Variants in GFPT1 observed in about 807,000 individuals in gnomAD.
The protein encoded by GFPT1 is glutamine--fructose-6-phosphate aminotransferase [isomerizing] 1.
In GFPT1, 40 loss-of-function variants were observed where a neutral mutation model predicts 92.0. The ratio of observed to expected loss-of-function variants is 0.43; its 90% confidence interval spans 0.34 to 0.57. The LOEUF (loss-of-function observed/expected upper bound fraction) is 0.57, where lower values mean the gene tolerates loss of function less well. Among genes scored for constraint, GFPT1 ranks in the 20% least tolerant of loss-of-function variants. The pLI is 0.02. For missense variants in GFPT1, 448 were observed against 869.1 expected (o/e 0.52, Z 6.09); for synonymous variants, 269 against 280.6 (o/e 0.96, Z 0.41).
intron 15 of GFPT1, among the ~76,000 whole-genome samples, chr2:69,335,477 C>T (rs1234394778): frequency 1.3e-5 from 2 of 152,128 alleles, no homozygotes; most frequent in Non-Finnish European, 2.9e-5. Flanking sequence ...CAATGGCATC[C>T]ATCCAAACAA....
At position 69,320,524 on chromosome 2, in the gene GFPT1, A is replaced by C. The variant is rs1670380008; in HGVS notation, c.*5665T>G. ...ATGTCTGGGCAGGACACGGTGACTCATGCCTGTAATCCCAGCACTTTGGGA... is the reference window on the plus strand; with the variant it reads ...ATGTCTGGGCAGGACACGGTGACTCCTGCCTGTAATCCCAGCACTTTGGGA... On this transcript the variant is annotated 3_prime_UTR_variant, in exon 20 of 20. Transcript: ENST00000357308. The C allele has an allele frequency of 6.6e-6, 1 of 152,382 alleles. No homozygotes were observed. The highest frequency in any genetic ancestry group is 1.5e-5 in the Non-Finnish European group (1 of 68,156). The allele number at this position is 152,382 out of a possible 1,614,324, so 9.4% of individuals were successfully genotyped here.
Position 69,322,960 on chromosome 2 carries a change from T to C in GFPT1, c.*3229A>G, listed in dbSNP as rs114565878. The C allele has an allele frequency of 1.7e-4, 26 of 152,348 alleles. No homozygotes were observed. The highest frequency in any genetic ancestry group is 5.8e-4 in the African/African-American group (24 of 41,582). The allele number at this position is 152,348 out of a possible 1,614,324, so 9.4% of individuals were successfully genotyped here. On this transcript the variant is annotated 3_prime_UTR_variant, in exon 20 of 20. Transcript: ENST00000357308. The stretch of plus-strand genomic sequence containing the variant: ...CAATGAACCTAGTCTTTGCTAGTGA[T>C]GAGTCCATCTGGGGACAAATACTGC...
chr2:69,335,646 T>C (rs1670776228), intron 15 of GFPT1, among the ~76,000 whole-genome samples: 1 of 152,206 alleles, frequency 6.6e-6, no homozygotes, highest in South Asian at 2.1e-4. Flanking sequence ...CACAAACATG[T>C]AACACGTTTT....
intron 2 of GFPT1, 42 bp downstream of exon 2, chr2:69,373,964 T>C: frequency 3.2e-6 from 3 of 928,324 alleles, no homozygotes; most frequent in Non-Finnish European, 5.4e-6. Context: ...TAGTATCTAT[T>C]TAAAGAATCA....
chr2:69,366,345 T>C (rs188000170), intron 3 of GFPT1, among the ~76,000 whole-genome samples: 9 of 152,326 alleles, frequency 5.9e-5, no homozygotes, highest in African/African-American at 1.9e-4. Context: ...TTTCCTGTCA[T>C]ATAAATTAAT....
At chr2:69,344,647 CTCT>C (rs1422850971) in intron 12 of GFPT1, among the ~76,000 whole-genome samples, 1 of 150,082 alleles carries the variant, frequency 6.7e-6, no homozygotes, top group African/African-American at 2.4e-5. Flanking sequence ...GATATAAGTA[CTCT>C]TTTTTATTTT....
At chr2:69,349,616 T>TA (rs1203046776) in intron 10 of GFPT1, among the ~76,000 whole-genome samples, 7 of 152,242 alleles carry the variant, frequency 4.6e-5, no homozygotes, top group Non-Finnish European at 1.0e-4. Context: ...CAAAATATCT[T>TA]AGTCTACTAC....
Position 69,325,121 on chromosome 2 carries a change from G to GATGA in GFPT1, c.*1064_*1067dup, listed in dbSNP as rs1670498262. ...CTACCACATATACTTAGAGTGAAAT[G>GATGA]ATGAGGTCAGCGACCTGCAAATCTT... On this transcript the variant is annotated 3_prime_UTR_variant, in exon 20 of 20. Coordinates refer to ENST00000357308, the MANE Select transcript of GFPT1 (RefSeq NM_001244710.2). 1 of 152,160 alleles carries GATGA rather than the reference G, an allele frequency of 6.6e-6. No individual in the cohort carries two copies. Among genetic ancestry groups the GATGA allele is most frequent in the Non-Finnish European group, 1.5e-5 (1 of 68,010 alleles). The allele number at this position is 152,160 out of a possible 1,614,324, so 9.4% of individuals were successfully genotyped here.
Position 69,342,347 on chromosome 2 carries a change from ACTG to A in GFPT1, c.1106-101_1106-99del, listed in dbSNP as rs1413880118. On this transcript the variant is annotated intron_variant, in intron 12 of 19. Coordinates refer to ENST00000357308, the MANE Select transcript of GFPT1 (RefSeq NM_001244710.2). ...ATCCACTGCCAATATGAGGAAGAAT[ACTG>A]CTGTTTTAAAGAATTAATATTCCTC... is the stretch of plus-strand genomic sequence containing the variant. The A allele has an allele frequency of 3.9e-6, 3 of 776,566 alleles. No homozygotes were observed. In the African/African-American group the frequency reaches 5.1e-5, roughly 13 times the overall value. The allele number at this position is 776,566 out of a possible 1,614,324, so 48.1% of individuals were successfully genotyped here.
chr2:69,376,279 C>CA (rs1671867942), intron 1 of GFPT1, among the ~76,000 whole-genome samples: 1 of 152,182 alleles, frequency 6.6e-6, no homozygotes, highest in Admixed American at 6.5e-5. Flanking sequence ...GAAGCTAAGG[C>CA]AGGCGCATCA....
intron 15 of GFPT1, among the ~76,000 whole-genome samples, chr2:69,330,830 A>G (rs1381608261): frequency 6.6e-6 from 1 of 152,324 alleles, no homozygotes; most frequent in East Asian, 1.9e-4. Context: ...CTGTCAAGTT[A>G]CATTATAACC....
intron 5 of GFPT1, among the ~76,000 whole-genome samples, chr2:69,358,898 A>T (rs1574070606): frequency 6.6e-6 from 1 of 152,192 alleles, no homozygotes; most frequent in Admixed American, 6.6e-5. Flanking sequence ...TATACAGTAT[A>T]TAGCTATTTA....
At chr2:69,347,423 A>G (rs1245272129) in intron 11 of GFPT1, among the ~76,000 whole-genome samples, 1 of 151,874 alleles carries the variant, frequency 6.6e-6, no homozygotes, top group African/African-American at 2.4e-5. Flanking sequence ...TAATTATAAT[A>G]GTTAACAGAA....
chr2:69,359,756 A>C lies in GFPT1; in HGVS notation c.350-430T>G, dbSNP rs1473619870. Among the ~76,000 whole-genome samples the C allele has an allele frequency of 1.2e-4, 18 of 152,352 alleles. No homozygotes were observed. The East Asian group carries it at 2.3e-3, about 20-fold the overall frequency. The stretch of plus-strand genomic sequence containing the variant: ...TAAAAGTTTAAAGAGAAGTCCTTTC[A>C]AACTAAAACAATAATCTGATTTACA... On this transcript the variant is annotated intron_variant, in intron 4 of 19. Coordinates refer to ENST00000357308, the MANE Select transcript of GFPT1 (RefSeq NM_001244710.2).
chr2:69,351,566 T>TGTA (rs376065750), intron 9 of GFPT1, among the ~76,000 whole-genome samples: 33 of 152,344 alleles, frequency 2.2e-4, no homozygotes, highest in African/African-American at 7.5e-4. Context: ...CATTATACAT[T>TGTA]GTACACATGT....
chr2:69,355,555 G>C (rs932391207), intron 7 of GFPT1, among the ~76,000 whole-genome samples: 14 of 152,160 alleles, frequency 9.2e-5, no homozygotes, highest in Non-Finnish European at 1.5e-4. Context: ...GGTCCAGAAA[G>C]CCTAAAATAG....
chr2:69,346,031 AAAAC>A (rs1244095216), intron 11 of GFPT1, 32 bp from the exon 12 acceptor site: 5 of 1,133,266 alleles, frequency 4.4e-6, no homozygotes, highest in South Asian at 2.5e-5. Flanking sequence ...AATTAAAACA[AAAAC>A]AAATCAAATA....
At chr2:69,346,738 T>C (rs1671091965) in intron 11 of GFPT1, among the ~76,000 whole-genome samples, 1 of 151,860 alleles carries the variant, frequency 6.6e-6, no homozygotes, top group Non-Finnish European at 1.5e-5. Flanking sequence ...TTCTTATTTT[T>C]ACTTTTTTTT....
At chr2:69,349,197 TAAGGAA>T (rs1671152644) in intron 10 of GFPT1, among the ~76,000 whole-genome samples, 2 of 152,206 alleles carry the variant, frequency 1.3e-5, no homozygotes, top group Admixed American at 1.3e-4. Context: ...GAAGAGCTCC[TAAGGAA>T]AAGTAATATT....
Sources: allele counts gnomAD v4.1 joint callset (sites outside exome capture counted in the v4.1 genomes callset), GRCh38; gene constraint gnomAD v4.1.1; transcripts MANE v1.5; gene names NCBI Gene and HGNC (gene_info 2026-07-23, HGNC 2026-07-21).